SEL1L2: variants seen among roughly 807,000 people sequenced by gnomAD.
SEL1L2 encodes the protein protein sel-1 homolog 2.
A neutral mutation model predicts 98.8 loss-of-function variants in SEL1L2; 89 were observed. The ratio of observed to expected loss-of-function variants is 0.90; its 90% CI spans 0.76 to 1.07. The LOEUF (loss-of-function observed/expected upper bound fraction) is 1.07, where lower values mean the gene tolerates loss of function less well. Among genes scored for constraint, SEL1L2 ranks in the 50% least tolerant of loss-of-function variants. The pLI, the probability that SEL1L2 is intolerant of heterozygous loss-of-function variation, is 0.00. For synonymous variants in SEL1L2, 262 were observed against 278.5 expected, an observed-to-expected ratio of 0.94 and a Z score of 0.59; for missense variants, 788 against 812.0, an observed-to-expected ratio of 0.97 and a Z score of 0.36.
chr20:13,894,935 C>G (rs886222937), intron 5 of SEL1L2, among the ~76,000 whole-genome samples: 4 of 152,118 alleles, frequency 2.6e-5, no homozygotes, highest in Admixed American at 2.6e-4. Context: ...TAACAGAAAT[C>G]CTTCACATTT....
At chr20:13,921,547 G>C (rs2048667957) in intron 3 of SEL1L2, among the ~76,000 whole-genome samples, 2 of 151,974 alleles carry the variant, frequency 1.3e-5, no homozygotes, top group South Asian at 4.2e-4. Flanking sequence ...TCCAGGGCCG[G>C]GCGCAGAAAC....
chr20:13,967,969 CA>C (rs1241308688), intron 1 of SEL1L2, among the ~76,000 whole-genome samples: 5 of 152,092 alleles, frequency 3.3e-5, no homozygotes, highest in Non-Finnish European at 7.4e-5. Context: ...AATACAAATA[CA>C]TTTTGATGTA....
chr20:13,858,292 T>C (rs1272830371), intron 18 of SEL1L2, among the ~76,000 whole-genome samples: 1 of 152,154 alleles, frequency 6.6e-6, no homozygotes, highest in Non-Finnish European at 1.5e-5. Context: ...TCCCACGTTA[T>C]TTGGCTCTAG....
intron 5 of SEL1L2, among the ~76,000 whole-genome samples, chr20:13,893,805 A>C (rs1297647658): frequency 6.6e-6 from 1 of 152,250 alleles, no homozygotes; most frequent in Non-Finnish European, 1.5e-5. Flanking sequence ...AACAAATTTA[A>C]GAATATTTAA....
At chr20:13,856,900 C>T (rs1409879579) in intron 18 of SEL1L2, among the ~76,000 whole-genome samples, 1 of 152,164 alleles carries the variant, frequency 6.6e-6, no homozygotes. Context: ...CAAAGTGCCT[C>T]ATTGAAGAAA....
intron 1 of SEL1L2, among the ~76,000 whole-genome samples, chr20:13,966,064 A>G (rs1041304926): frequency 6.6e-6 from 1 of 152,156 alleles, no homozygotes; most frequent in Non-Finnish European, 1.5e-5. Context: ...GAGACACGAA[A>G]TGTGCATATG....
intron 2 of SEL1L2, 44 bp downstream of exon 2, chr20:13,956,032 T>C: frequency 8.5e-7 from 1 of 1,181,710 alleles, no homozygotes; most frequent in South Asian, 1.3e-5. Context: ...GCCTATAGCC[T>C]AAATTTTCTA....
At chr20:13,958,547 T>C (rs1165754867) in intron 1 of SEL1L2, among the ~76,000 whole-genome samples, 1 of 152,162 alleles carries the variant, frequency 6.6e-6, no homozygotes, top group Non-Finnish European at 1.5e-5. Flanking sequence ...GAGTTCAAAA[T>C]GGGTCGTAAA....
chr20:13,858,574 C>A (rs1989536348), intron 18 of SEL1L2, among the ~76,000 whole-genome samples: 1 of 152,160 alleles, frequency 6.6e-6, no homozygotes, highest in African/African-American at 2.4e-5. Flanking sequence ...TAACCCAATG[C>A]CTGGCTATTA....
Position 13,939,035 on chromosome 20 carries a change from G to GTTTTTTTTTTTTTTTTTTT in SEL1L2, c.115-7265_115-7264insAAAAAAAAAAAAAAAAAAA, listed in dbSNP as rs779584914. On this transcript the variant is annotated intron_variant, in intron 2 of 19. Coordinates refer to ENST00000284951, the MANE Select transcript of SEL1L2 (RefSeq NM_025229.2). ...TTTTTTCTTTTTGGTTTGTTTGCTT[G>GTTTTTTTTTTTTTTTTTTT]TTTTGTTTTTTTTTTTTTTTTTTTC... Among the ~76,000 whole-genome samples, 229 of 31,352 alleles carry GTTTTTTTTTTTTTTTTTTT rather than the reference G, an allele frequency of 7.3e-3. 16 individuals carry two copies. Among genetic ancestry groups the GTTTTTTTTTTTTTTTTTTT allele is most frequent in the African/African-American group, 0.012 (111 of 9,272 alleles). 20.6% of individuals were successfully genotyped at this position (31,352 alleles called of 152,430 possible).
chr20:13,888,984 A>G (rs243911), intron 5 of SEL1L2, among the ~76,000 whole-genome samples: 143,224 of 148,046 alleles, frequency 0.97, 69,331 homozygotes, highest in East Asian at 1. Flanking sequence ...TTGAGACGAA[A>G]TTTCAGTCTT....
chr20:13,957,692 A>G (rs947531215), intron 1 of SEL1L2, among the ~76,000 whole-genome samples: 2 of 152,184 alleles, frequency 1.3e-5, no homozygotes, highest in African/African-American at 4.8e-5. Context: ...AGCCTGGGCA[A>G]CATAGTGAGA....
Position 13,865,415 on chromosome 20 carries a change from A to G in SEL1L2, c.1504T>C (p.Tyr502His), listed in dbSNP as rs749634971. Residue 502 changes from tyrosine (Y) to histidine (H), a missense_variant, in exon 16 of 20, where the codon TAT (tyrosine) becomes CAT (histidine). Coordinates refer to ENST00000284951, the MANE Select transcript of SEL1L2 (RefSeq NM_025229.2). ...TACCCCATTTCTGCAAGCAGTGCAT[A>G]CTGAACAAGAGAAGAATCTATATCA... ...DGDIDSSLVQ[Y>H]ALLAEMGYEV... 1.9e-6 allele frequency: 3 copies of G among 1,614,136 alleles called. No homozygotes were observed. Among genetic ancestry groups the G allele is most frequent in the South Asian group, 2.2e-5 (2 of 91,084 alleles).
rs372354703 is a variant in SEL1L2, at chr20:13,872,249, GTTTAGATGTCATC to G, written c.1105-2059_1105-2047del. ...AGTCTGTCTTCTTCTAATTAGCCTT[GTTTAGATGTCATC>G]TTGAATTGTAGTTCCTATAATCCCC... On this transcript the variant is annotated intron_variant, in intron 12 of 19. Coordinates refer to ENST00000284951, the MANE Select transcript of SEL1L2 (RefSeq NM_025229.2). Among the ~76,000 whole-genome samples the G allele has an allele frequency of 9.5e-3, 1,445 of 152,254 alleles. 18 individuals are homozygous for G. The highest frequency in any genetic ancestry group is 0.033 in the African/African-American group (1,383 of 41,540).
intron 4 of SEL1L2, among the ~76,000 whole-genome samples, chr20:13,917,408 C>T (rs1216083200): frequency 6.6e-6 from 1 of 152,138 alleles, no homozygotes; most frequent in East Asian, 1.9e-4. Context: ...AGTATTACAT[C>T]ATCTTTTTGA....
intron 9 of SEL1L2, among the ~76,000 whole-genome samples, chr20:13,885,719 T>G (rs2046919288): frequency 6.6e-6 from 1 of 152,166 alleles, no homozygotes; most frequent in Non-Finnish European, 1.5e-5. Flanking sequence ...CCTTTCTGGA[T>G]TGCCGTAGTT....
intron 18 of SEL1L2, among the ~76,000 whole-genome samples, chr20:13,858,470 G>A (rs1005033782): frequency 1.3e-5 from 2 of 152,142 alleles, no homozygotes; most frequent in African/African-American, 2.4e-5. Flanking sequence ...ACCTCTCTGC[G>A]CTGTGGCTTC....
upstream of SEL1L2, chr20:13,990,618 G>GT: frequency 9.6e-7 from 1 of 1,046,996 alleles, no homozygotes; most frequent in East Asian, 2.4e-5. Flanking sequence ...AGGGACTGTG[G>GT]TGGGGGCAGG....
At chr20:13,864,548 G>A (rs997918543) in intron 17 of SEL1L2, among the ~76,000 whole-genome samples, 8 of 152,150 alleles carry the variant, frequency 5.3e-5, no homozygotes, top group Non-Finnish European at 1.0e-4. Context: ...ACCTGCCAAT[G>A]CTTTTCCCAC....
Sources: allele counts gnomAD v4.1 joint callset (sites outside exome capture counted in the v4.1 genomes callset), GRCh38; gene constraint gnomAD v4.1.1; transcripts MANE v1.5; gene names NCBI Gene and HGNC (gene_info 2026-07-23, HGNC 2026-07-21).